RAI14: variants seen among roughly 807,000 people sequenced by gnomAD.
RAI14 encodes ankycorbin.
In RAI14, 45 loss-of-function variants were observed where a neutral mutation model predicts 115.4. The ratio of observed to expected loss-of-function variants is 0.39; its 90% CI spans 0.31 to 0.50. RAI14 has a LOEUF of 0.50. Ranked by LOEUF, RAI14 falls within the 20% of genes least tolerant of loss-of-function variation. RAI14 has a pLI of 0.85. For missense variants in RAI14, 939 were observed against 1,131.2 expected, an observed-to-expected ratio of 0.83 and a Z score of 2.44; for synonymous variants, 371 against 415.4, an observed-to-expected ratio of 0.89 and a Z score of 1.30.
rs560388955 is a variant in RAI14 at position 34,832,459 on chromosome 5, C to G, written c.*1694C>G. 6.5e-6 allele frequency: 1 copy of G among 152,696 alleles called. No homozygotes were observed. Among genetic ancestry groups the G allele is most frequent in the Admixed American group, 6.5e-5 (1 of 15,292 alleles). 9.5% of individuals were successfully genotyped at this position (152,696 alleles called of 1,614,324 possible). On this transcript the variant is annotated 3_prime_UTR_variant, in exon 18 of 18. Coordinates refer to ENST00000265109, the MANE Select transcript of RAI14 (RefSeq NM_015577.3). The stretch of plus-strand genomic sequence containing the variant: ...AAACTTGAGACATTTTTGTAGGATG[C>G]CTGACGAGGTGTAGCCTTTTATCTT...
intron 2 of RAI14, among the ~76,000 whole-genome samples, chr5:34,747,045 G>T (rs925226698): frequency 7.2e-5 from 11 of 152,184 alleles, no homozygotes; most frequent in African/African-American, 2.7e-4. Flanking sequence ...CCCCAGCCAT[G>T]TGGAACTGTA....
At chr5:34,766,318 G>GC (rs1252601682) in intron 3 of RAI14, among the ~76,000 whole-genome samples, 16 of 152,144 alleles carry the variant, frequency 1.1e-4, no homozygotes, top group Non-Finnish European at 2.4e-4. Flanking sequence ...CTCAACACCA[G>GC]CCCGTGAGAG....
At chr5:34,726,200 C>A (rs1001978927) in intron 2 of RAI14, among the ~76,000 whole-genome samples, 13 of 152,058 alleles carry the variant, frequency 8.5e-5, no homozygotes, top group African/African-American at 3.1e-4. Flanking sequence ...GGCAACATAG[C>A]AAGACCCTTG....
At chr5:34,746,093 C>CCG (rs1554050147) in intron 2 of RAI14, among the ~76,000 whole-genome samples, 1 of 126,782 alleles carries the variant, frequency 7.9e-6, no homozygotes, top group Non-Finnish European at 1.6e-5. Context: ...CCACCCCCTC[C>CCG]CCCCCCCGCC....
intron 1 of RAI14, among the ~76,000 whole-genome samples, chr5:34,662,028 G>T (rs466348): frequency 0.37 from 55,508 of 151,986 alleles, 11,616 homozygotes; most frequent in South Asian, 0.64. Context: ...GGCTCAGAAG[G>T]TCCTCCTGCT....
At chr5:34,736,174 G>T (rs1046509865) in intron 2 of RAI14, among the ~76,000 whole-genome samples, 4 of 152,198 alleles carry the variant, frequency 2.6e-5, no homozygotes, top group Non-Finnish European at 5.9e-5. Context: ...GCCAAGGCGG[G>T]CGGATCACCT....
At chr5:34,787,985 C>G (rs750422698) in intron 3 of RAI14, among the ~76,000 whole-genome samples, 1 of 126,604 alleles carries the variant, frequency 7.9e-6, no homozygotes, top group Non-Finnish European at 1.6e-5. Context: ...GGTGTGATCA[C>G]AGCTCACTGT....
chr5:34,657,656 C>T (rs111307975), intron 1 of RAI14, among the ~76,000 whole-genome samples: 1,811 of 152,298 alleles, frequency 0.012, 21 homozygotes, highest in Middle Eastern at 0.065. Flanking sequence ...AGGAGAATGC[C>T]CAGCTGCCTG....
intron 2 of RAI14, chr5:34,688,091 GT>G (rs1487018174): frequency 1.4e-6 from 2 of 1,467,638 alleles, no homozygotes; most frequent in African/African-American, 2.9e-5. Flanking sequence ...AACTCATAGA[GT>G]GCAAAGAGAC....
intron 2 of RAI14, among the ~76,000 whole-genome samples, chr5:34,733,676 C>T (rs979875390): frequency 6.6e-6 from 1 of 152,206 alleles, no homozygotes; most frequent in Non-Finnish European, 1.5e-5. Flanking sequence ...GCCTCTTTCT[C>T]ATCTGGGATC....
chr5:34,811,988 C>T, intron 9 of RAI14, 43 bp downstream of exon 9: 1 of 1,493,820 alleles, frequency 6.7e-7, no homozygotes, highest in Non-Finnish European at 9.2e-7. Context: ...AGTTTATCCA[C>T]TCCATTTTCC....
intron 7 of RAI14, 146 bp from the exon 8 acceptor site, chr5:34,810,866 G>T: frequency 8.2e-7 from 1 of 1,220,566 alleles, no homozygotes; most frequent in Non-Finnish European, 1.1e-6. Flanking sequence ...ACTCTATAGG[G>T]GTACAGAATA....
At chr5:34,765,620 C>T (rs569350813) in intron 3 of RAI14, among the ~76,000 whole-genome samples, 249 of 152,264 alleles carry the variant, frequency 1.6e-3, no homozygotes, top group Non-Finnish European at 3.0e-3. Context: ...CTGTTAAAGG[C>T]ATTCAGTTTT....
intron 2 of RAI14, among the ~76,000 whole-genome samples, chr5:34,692,540 T>TATAAA (rs1400818241): frequency 6.6e-6 from 1 of 151,106 alleles, no homozygotes; most frequent in African/African-American, 2.4e-5. Context: ...TCTCAAAAAA[T>TATAAA]ATAAAATAAA....
intron 12 of RAI14, among the ~76,000 whole-genome samples, chr5:34,815,200 G>C (rs570863905): frequency 2.0e-5 from 3 of 152,210 alleles, no homozygotes; most frequent in African/African-American, 7.2e-5. Context: ...GGCCAACATG[G>C]TGAAACTCCG....
At chr5:34,783,257 G>A (rs1216556345) in intron 3 of RAI14, among the ~76,000 whole-genome samples, 1 of 152,160 alleles carries the variant, frequency 6.6e-6, no homozygotes, top group Non-Finnish European at 1.5e-5. Flanking sequence ...ACAGCTTCTT[G>A]TTCTGTCCTC....
At chr5:34,715,321 G>A (rs1741862584) in intron 2 of RAI14, among the ~76,000 whole-genome samples, 1 of 152,126 alleles carries the variant, frequency 6.6e-6, no homozygotes, top group East Asian at 1.9e-4. Flanking sequence ...GCTAATGAGT[G>A]CATAATGAGG....
chr5:34,800,331 A>ACTAGT, intron 4 of RAI14, among the ~76,000 whole-genome samples: 1 of 152,304 alleles, frequency 6.6e-6, no homozygotes, highest in African/African-American at 2.4e-5. Context: ...TATAAATATC[A>ACTAGT]CTAGTCTTTT....
chr5:34,771,072 T>A (rs762663422), intron 3 of RAI14, among the ~76,000 whole-genome samples: 1 of 152,144 alleles, frequency 6.6e-6, no homozygotes, highest in Non-Finnish European at 1.5e-5. Flanking sequence ...GAAATGAAGA[T>A]TTTTTAAAAG....
Sources: gnomAD v4.1 joint callset for allele counts (sites outside exome capture counted in the v4.1 genomes callset) on GRCh38, gnomAD v4.1.1 for gene constraint, MANE v1.5 for transcripts, NCBI Gene and HGNC (gene_info 2026-07-23, HGNC 2026-07-21) for gene names.